Variants in LEF1 observed in about 807,000 individuals in gnomAD.
LEF1 encodes lymphoid enhancer-binding factor 1.
In LEF1, 14 loss-of-function variants were observed where a neutral mutation model predicts 51.2. The ratio of observed to expected loss-of-function variants is 0.27; its 90% CI spans 0.18 to 0.43. The LOEUF is 0.43. Ranked by LOEUF, LEF1 falls within the 20% of genes least tolerant of loss-of-function variation. LEF1 has a pLI of 1.00. For missense variants in LEF1, 386 were observed against 512.0 expected (o/e 0.75, Z 2.37); for synonymous variants, 185 against 183.2 (o/e 1.01, Z -0.08).
chr4:108,156,210 T>C (rs1464807037), intron 3 of LEF1, among the ~76,000 whole-genome samples: 1 of 152,214 alleles, frequency 6.6e-6, no homozygotes, highest in African/African-American at 2.4e-5. Flanking sequence ...AACAGATAAG[T>C]ACTTCCTAAG....
chr4:108,056,865 A>G (rs1737337844), intron 11 of LEF1, among the ~76,000 whole-genome samples: 1 of 148,354 alleles, frequency 6.7e-6, no homozygotes, highest in Admixed American at 6.7e-5. Context: ...CTGTGGTAAA[A>G]TGGCAGCACA....
intron 3 of LEF1, among the ~76,000 whole-genome samples, chr4:108,099,518 GTATATATATATATATA>G (rs34224822): frequency 9.5e-6 from 1 of 105,494 alleles, no homozygotes; most frequent in Non-Finnish European, 2.0e-5. Flanking sequence ...ATATGTGTAT[GTATATATATATATATA>G]TGTGTATATG....
At chr4:108,085,213 T>G (rs997773902) in intron 4 of LEF1, among the ~76,000 whole-genome samples, 3 of 152,212 alleles carry the variant, frequency 2.0e-5, no homozygotes, top group African/African-American at 7.2e-5. Context: ...CTCAGCCTCC[T>G]GAGTAGCCAG....
chr4:108,054,079 A>T (rs887857897), intron 11 of LEF1, among the ~76,000 whole-genome samples: 10 of 152,190 alleles, frequency 6.6e-5, no homozygotes, highest in African/African-American at 1.4e-4. Context: ...GCATCTGGTT[A>T]AGCACAGGGA....
At chr4:108,083,962 A>G (rs1739479883) in intron 4 of LEF1, among the ~76,000 whole-genome samples, 1 of 152,198 alleles carries the variant, frequency 6.6e-6, no homozygotes, top group African/African-American at 2.4e-5. Context: ...CTTCAGCCCC[A>G]TAATGGTCAC....
At chr4:108,123,949 T>G (rs1742344355) in intron 3 of LEF1, among the ~76,000 whole-genome samples, 1 of 151,938 alleles carries the variant, frequency 6.6e-6, no homozygotes, top group Non-Finnish European at 1.5e-5. Context: ...CAAGACCAGC[T>G]TGGACAACAT....
At chr4:108,118,428 C>T (rs1460405) in intron 3 of LEF1, among the ~76,000 whole-genome samples, 13,496 of 152,188 alleles carry the variant, frequency 0.089, 779 homozygotes, top group African/African-American at 0.16. Context: ...AGGCTTAATG[C>T]GAACTGTGAA....
intron 8 of LEF1, among the ~76,000 whole-genome samples, chr4:108,073,833 C>CT (rs1245402800): frequency 2.1e-5 from 3 of 144,074 alleles, no homozygotes; most frequent in South Asian, 2.2e-4. Context: ...ACCCCCCCCC[C>CT]TTTTTTTTTT....
intron 3 of LEF1, among the ~76,000 whole-genome samples, chr4:108,090,345 T>C (rs1225942138): frequency 6.6e-6 from 1 of 152,206 alleles, no homozygotes; most frequent in East Asian, 1.9e-4. Context: ...ATATGTCTTA[T>C]ACTTGTTTAC....
At chr4:108,100,934 A>G (rs1228289737) in intron 3 of LEF1, among the ~76,000 whole-genome samples, 2 of 152,226 alleles carry the variant, frequency 1.3e-5, no homozygotes, top group Non-Finnish European at 1.5e-5. Context: ...GAAAAATTTC[A>G]AAGATTATCA....
intron 3 of LEF1, among the ~76,000 whole-genome samples, chr4:108,120,007 G>A (rs886525897): frequency 8.6e-5 from 13 of 151,120 alleles, no homozygotes; most frequent in African/African-American, 2.2e-4. Flanking sequence ...GTGTGTGTGT[G>A]TGTGTGTGTG....
At chr4:108,135,681 A>G (rs1405147742) in intron 3 of LEF1, among the ~76,000 whole-genome samples, 1 of 152,152 alleles carries the variant, frequency 6.6e-6, no homozygotes, top group Non-Finnish European at 1.5e-5. Context: ...AACTGGGGGT[A>G]AGGAAGCTGG....
intron 9 of LEF1, among the ~76,000 whole-genome samples, chr4:108,066,340 A>C (rs1038912435): frequency 5.3e-5 from 8 of 152,082 alleles, no homozygotes; most frequent in Non-Finnish European, 1.5e-5. Flanking sequence ...CAACCCTTCA[A>C]CCCGTGTCTC....
At chr4:108,057,113 C>T (rs887174887) in intron 11 of LEF1, among the ~76,000 whole-genome samples, 2 of 151,982 alleles carry the variant, frequency 1.3e-5, no homozygotes, top group African/African-American at 4.8e-5. Flanking sequence ...GAGTTCTGAA[C>T]CCCCAGGGGT....
At chr4:108,151,861 C>A (rs148746211) in intron 3 of LEF1, among the ~76,000 whole-genome samples, 1 of 152,146 alleles carries the variant, frequency 6.6e-6, no homozygotes, top group South Asian at 2.1e-4. Context: ...CATTTAAATA[C>A]GGATTGATAC....
intron 3 of LEF1, among the ~76,000 whole-genome samples, chr4:108,141,667 A>G (rs1194858675): frequency 6.6e-6 from 1 of 152,250 alleles, no homozygotes; most frequent in Non-Finnish European, 1.5e-5. Context: ...CAAGGCCGCA[A>G]GCAGTTGTGC....
chr4:108,148,288 A>AAAC lies in LEF1; in HGVS notation c.414+15279_414+15280insGTT, dbSNP rs1553959316. 2.2e-3 allele frequency among the ~76,000 whole-genome samples: 338 copies of AAAC among 151,238 alleles called. 1 individual carries two copies. Among genetic ancestry groups the AAAC allele is most frequent in the African/African-American group, 7.8e-3 (322 of 41,322 alleles). ...AATGCTCTTTTAATAAAAAAAAAAA[A>AAAC]ATTTATCAAGCAACTTTCCTGGCCC... is the stretch of plus-strand genomic sequence containing the variant. On this transcript the variant is annotated intron_variant, in intron 3 of 11. Coordinates refer to ENST00000265165, the MANE Select transcript of LEF1 (RefSeq NM_016269.5).
chr4:108,167,563 C>G lies in LEF1; in HGVS notation c.205G>C (p.Gly69Arg), dbSNP rs1227084249. 1.9e-6 allele frequency: 3 copies of G among 1,614,128 alleles called. No individual in the cohort carries two copies. Among genetic ancestry groups the G allele is most frequent in the Admixed American group, 3.3e-5 (2 of 60,030 alleles). The change falls in exon 1 of 12, where the codon GGA becomes CGA. Residue 69 changes from glycine (G) to arginine (R), a missense_variant. Gly to Arg is a moderately radical substitution (Grantham distance 125). This residue lies in a region of LEF1 where 335 missense variants were observed against 390.7 expected (regional missense o/e 0.86). Transcript: ENST00000265165. The surrounding 1 kb of genome is among the most constrained non-coding windows in gnomAD (Gnocchi z 5.7). The part of the protein sequence containing the change: ...NESEIIPASN[G>R]HEVARQAQTS... ...GGCAGCGGCCCGCTCACCTCGTGTC[C>G]GTTGCTGGCCGGGATGATTTCAGAC...
chr4:108,120,801 A>G (rs1490531057), intron 3 of LEF1, among the ~76,000 whole-genome samples: 1 of 152,240 alleles, frequency 6.6e-6, no homozygotes, highest in South Asian at 2.1e-4. Flanking sequence ...AGAGACATTA[A>G]AGGATAGGAA....
Sources: gnomAD v4.1 joint callset for allele counts (sites outside exome capture counted in the v4.1 genomes callset) on GRCh38, gnomAD v4.1.1 for gene constraint, gnomAD v4.1.1 regional missense constraint, Gnocchi (gnomAD v3.1) non-coding constraint, MANE v1.5 for transcripts, NCBI Gene and HGNC (gene_info 2026-07-23, HGNC 2026-07-21) for gene names.